The following KBTBD12 variants were observed in gnomAD, a reference collection of about 807,000 sequenced individuals.
KBTBD12 encodes the protein kelch repeat and BTB domain-containing protein 12.
Under a neutral mutation model 58.7 loss-of-function variants are expected in KBTBD12, and 53 were observed. The observed-to-expected ratio is 0.90, with a 90% confidence interval of 0.72 to 1.14. The LOEUF (loss-of-function observed/expected upper bound fraction) is 1.14. Among genes scored for constraint, KBTBD12 ranks in the 50% most tolerant of loss-of-function variants. The pLI, the probability that KBTBD12 is intolerant of heterozygous loss-of-function variation, is 0.00. For missense variants in KBTBD12, 704 were observed against 751.3 expected (o/e 0.94, Z 0.74); for synonymous variants, 236 against 259.8 (o/e 0.91, Z 0.88).
chr3:127,972,187 C>A (rs1940694616), intron 5 of KBTBD12, among the ~76,000 whole-genome samples: 1 of 152,106 alleles, frequency 6.6e-6, no homozygotes, highest in Non-Finnish European at 1.5e-5. Context: ...CTATTATTTC[C>A]CTTATTTTAA....
chr3:127,984,028 A>G, intron 5 of KBTBD12, 69 bp from the exon 6 acceptor site: 1 of 1,247,948 alleles, frequency 8.0e-7, no homozygotes, highest in Non-Finnish European at 1.2e-6. Flanking sequence ...GTTACTCAGT[A>G]TGGTGCTGAT....
intron 4 of KBTBD12, among the ~76,000 whole-genome samples, chr3:127,952,806 G>A (rs930127273): frequency 6.6e-6 from 1 of 152,218 alleles, no homozygotes; most frequent in African/African-American, 2.4e-5. Context: ...AAAGATTTAG[G>A]CAAGCAGGAT....
intron 4 of KBTBD12, 101 bp from the exon 5 acceptor site, chr3:127,963,088 C>T (rs2107610100): frequency 2.9e-6 from 3 of 1,032,926 alleles, no homozygotes; most frequent in Non-Finnish European, 2.8e-6. Flanking sequence ...AGAAAAGTTA[C>T]AGTCCCATAA....
chr3:127,953,717 A>G (rs1940258656), intron 4 of KBTBD12, among the ~76,000 whole-genome samples: 1 of 152,260 alleles, frequency 6.6e-6, no homozygotes, highest in African/African-American at 2.4e-5. Flanking sequence ...CAAGGGGCAT[A>G]TTAGTCATAT....
In KBTBD12 at chr3:127,968,237, C is replaced by A. The variant is rs575495512; in HGVS notation, c.1690+4851C>A. Among the ~76,000 whole-genome samples the A allele has an allele frequency of 2.0e-5, 3 of 152,286 alleles. No individual in the cohort carries two copies. In the South Asian group the frequency reaches 6.2e-4, roughly 32 times the overall value. On this transcript the variant is annotated intron_variant, in intron 5 of 5. Transcript: ENST00000405109. ...CTGCAGCAAGCTTACTTATAAAATC[C>A]CAGACTCTTTGCAGTTCTTGACAGA...
chr3:127,923,084 A>G lies in KBTBD12; in HGVS notation c.23A>G (p.Lys8Arg). MECKIEG[K>R]EKYQHSLNLL... is the part of the protein sequence containing the mutation. ...ATCATGGAGTGCAAGATTGAGGGAA[A>G]AGAAAAATACCAACATAGCTTGAAT... The change falls in exon 2 of 6, where the codon AAA (lysine) becomes AGA (arginine). Residue 8 changes from lysine (K) to arginine (R), a missense_variant. Lys to Arg is a conservative substitution (Grantham distance 26). Coordinates refer to ENST00000405109, the MANE Select transcript of KBTBD12 (RefSeq NM_207335.4). 1.2e-6 allele frequency: 2 copies of G among 1,608,268 alleles called. No individual in the cohort carries two copies. The highest frequency in any genetic ancestry group is 1.7e-6 in the Non-Finnish European group (2 of 1,175,258).
chr3:127,933,214 A>G (rs935589116), intron 4 of KBTBD12, among the ~76,000 whole-genome samples: 8 of 152,182 alleles, frequency 5.3e-5, no homozygotes, highest in African/African-American at 1.9e-4. Flanking sequence ...CTGAGCTTGA[A>G]GTAAGACTTC....
chr3:127,973,678 GATA>G (rs1177738925), intron 5 of KBTBD12, among the ~76,000 whole-genome samples: 7 of 152,126 alleles, frequency 4.6e-5, no homozygotes, highest in Non-Finnish European at 1.0e-4. Flanking sequence ...GGGACATAAA[GATA>G]ATAAGGCAAA....
intron 4 of KBTBD12, among the ~76,000 whole-genome samples, chr3:127,934,757 A>T (rs1939789935): frequency 6.6e-6 from 1 of 152,218 alleles, no homozygotes. Context: ...GTGGAATATT[A>T]TATTCAAAGT....
intron 1 of KBTBD12, among the ~76,000 whole-genome samples, chr3:127,922,354 T>C (rs1939431284): frequency 6.6e-6 from 1 of 152,306 alleles, no homozygotes; most frequent in African/African-American, 2.4e-5. Context: ...TGACATTTGG[T>C]AGTGCCTTCC....
chr3:127,968,697 G>A (rs552411298), intron 5 of KBTBD12, among the ~76,000 whole-genome samples: 4 of 152,130 alleles, frequency 2.6e-5, no homozygotes, highest in Non-Finnish European at 5.9e-5. Context: ...GGGTTGATCC[G>A]TGCAGCACAC....
chr3:127,976,380 T>C (rs557176922), intron 5 of KBTBD12, among the ~76,000 whole-genome samples: 6 of 152,280 alleles, frequency 3.9e-5, no homozygotes, highest in South Asian at 2.1e-4. Flanking sequence ...ACGCCCTTTT[T>C]CCCCCCTTTT....
intron 4 of KBTBD12, among the ~76,000 whole-genome samples, chr3:127,958,246 G>A (rs1007667887): frequency 1.3e-5 from 2 of 152,032 alleles, no homozygotes; most frequent in African/African-American, 4.8e-5. Flanking sequence ...CAGCAGAGTC[G>A]GTGACTGCTG....
chr3:127,956,485 C>G (rs1940323339), intron 4 of KBTBD12, among the ~76,000 whole-genome samples: 1 of 150,118 alleles, frequency 6.7e-6, no homozygotes, highest in Non-Finnish European at 1.5e-5. Flanking sequence ...AATCCTCAAA[C>G]TTGTTATTCT....
intron 4 of KBTBD12, among the ~76,000 whole-genome samples, chr3:127,943,546 G>GT (rs1198287026): frequency 6.6e-6 from 1 of 151,662 alleles, no homozygotes; most frequent in Non-Finnish European, 1.5e-5. Flanking sequence ...GGTTATTTGG[G>GT]TTTTTTTGCT....
At position 127,945,618 on chromosome 3, in the gene KBTBD12, T is replaced by C. The variant is rs182170147; in HGVS notation, c.1492+15335T>C. On this transcript the variant is annotated intron_variant, in intron 4 of 5. Transcript: ENST00000405109. The stretch of plus-strand genomic sequence containing the variant: ...TTTGAGAAAGGTCTGTTTAAGTCTC[T>C]TCCCCAGTTTTCATTTGGGTTATGT... 3.7e-3 allele frequency among the ~76,000 whole-genome samples: 568 copies of C among 152,206 alleles called. 4 individuals carry two copies. Among genetic ancestry groups the C allele is most frequent in the African/African-American group, 0.013 (533 of 41,520 alleles).
In KBTBD12 at chr3:127,922,081, A is replaced by G. The variant is rs145153668; in HGVS notation, c.-112-869A>G. 2.8e-3 allele frequency among the ~76,000 whole-genome samples: 419 copies of G among 152,224 alleles called. 1 individual carries two copies. Among genetic ancestry groups the G allele is most frequent in the Middle Eastern group, 0.01 (3 of 294 alleles). ...TGACTCTAGGAATGTCCTTCTTTAA[A>G]ACAAACGCTAATTTAAATTAACTTC... On this transcript the variant is annotated intron_variant, in intron 1 of 5. Coordinates refer to ENST00000405109, the MANE Select transcript of KBTBD12 (RefSeq NM_207335.4).
chr3:127,944,916 C>G (rs906315681), intron 4 of KBTBD12, among the ~76,000 whole-genome samples: 16 of 151,530 alleles, frequency 1.1e-4, no homozygotes, highest in African/African-American at 3.9e-4. Context: ...GGGTCTTGCT[C>G]TGTTGCTCAG....
At chr3:127,978,269 C>G (rs890256457) in intron 5 of KBTBD12, among the ~76,000 whole-genome samples, 1 of 152,192 alleles carries the variant, frequency 6.6e-6, no homozygotes, top group African/African-American at 2.4e-5. Flanking sequence ...CAACAACAGA[C>G]TGGAATACTG....
Sources: allele counts gnomAD v4.1 joint callset (sites outside exome capture counted in the v4.1 genomes callset), GRCh38; gene constraint gnomAD v4.1.1; transcripts MANE v1.5; gene names NCBI Gene and HGNC (gene_info 2026-07-23, HGNC 2026-07-21).